DNAJC8: variants seen among roughly 807,000 people sequenced by gnomAD.
DNAJC8 encodes dnaJ homolog subfamily C member 8.
A neutral mutation model predicts 43.2 loss-of-function variants in DNAJC8; 24 were observed. That is an observed-to-expected ratio of 0.56 (90% CI 0.40 to 0.78). DNAJC8 has a LOEUF of 0.78. Ranked by LOEUF, DNAJC8 falls within the 30% of genes least tolerant of loss-of-function variation. DNAJC8 has a pLI of 0.00. For missense variants in DNAJC8, 207 were observed against 299.4 expected (o/e 0.69, Z 2.28); for synonymous variants, 83 against 98.0 (o/e 0.85, Z 0.90).
intron 2 of DNAJC8, among the ~76,000 whole-genome samples, chr1:28,228,389 G>A (rs906717079): frequency 2.0e-5 from 3 of 149,646 alleles, no homozygotes; most frequent in African/African-American, 4.9e-5. Context: ...ACTTATTAGA[G>A]CTAGCCACCC....
chr1:28,230,858 G>A (rs947606635), intron 1 of DNAJC8, among the ~76,000 whole-genome samples: 31 of 152,256 alleles, frequency 2.0e-4, no homozygotes, highest in Non-Finnish European at 4.1e-4. Flanking sequence ...AACAAGTACT[G>A]TTACAATTGC....
chr1:28,227,460 C>T (rs1282373994), intron 2 of DNAJC8, among the ~76,000 whole-genome samples: 1 of 148,908 alleles, frequency 6.7e-6, no homozygotes, highest in Non-Finnish European at 1.5e-5. Flanking sequence ...GACATGGTGG[C>T]GAATGGCTGT....
At position 28,210,112 on chromosome 1, in the gene DNAJC8, A is replaced by G. The variant is rs747245842; in HGVS notation, c.305-46T>C. 14 of 1,555,552 alleles carry G rather than the reference A, an allele frequency of 9.0e-6. No homozygotes were observed. The East Asian group carries it at 2.2e-4, about 25-fold the overall frequency. On this transcript the variant is annotated intron_variant, in intron 4 of 8. Coordinates refer to ENST00000263697, the MANE Select transcript of DNAJC8 (RefSeq NM_014280.3). The stretch of plus-strand genomic sequence containing the variant: ...TAACTGTTTCTGCAAACACCCTCTG[A>G]AAGTCTGAACTATACTCAGGCAGTG...
Position 28,208,281 on chromosome 1 carries a change from A to G in DNAJC8, c.471+61T>C, listed in dbSNP as rs1646784562. The G allele has an allele frequency of 1.1e-5, 14 of 1,320,208 alleles. No individual in the cohort carries two copies. In the South Asian group the frequency reaches 2.0e-4, roughly 19 times the overall value. The allele number at this position is 1,320,208 out of a possible 1,614,324, so 81.8% of individuals were successfully genotyped here. ...CATTCTTTTGGCTTCTGTCTCTGTA[A>G]CCCACCAATTCGTAGACACAATCAC... On this transcript the variant is annotated intron_variant, in intron 6 of 8. Coordinates refer to ENST00000263697, the MANE Select transcript of DNAJC8 (RefSeq NM_014280.3).
rs746894128 is a variant in DNAJC8, at chr1:28,200,675, G to A, written c.*573C>T. On this transcript the variant is annotated 3_prime_UTR_variant, in exon 9 of 9. Coordinates refer to ENST00000263697, the MANE Select transcript of DNAJC8 (RefSeq NM_014280.3). Reference sequence around the variant, plus strand: ...TTGGAAAGTGAAAGGTTTGGGTGGCGTGGGCCTCATGCCACACTGATTGGT... The same window carrying A: ...TTGGAAAGTGAAAGGTTTGGGTGGCATGGGCCTCATGCCACACTGATTGGT... The A allele has an allele frequency of 2.9e-5, 13 of 454,730 alleles. No homozygotes were observed. The highest frequency in any genetic ancestry group is 1.7e-4 in the South Asian group (11 of 64,488). 28.2% of individuals were successfully genotyped at this position (454,730 alleles called of 1,614,324 possible).
chr1:28,219,463 C>A (rs926043725), intron 2 of DNAJC8, among the ~76,000 whole-genome samples: 7 of 152,068 alleles, frequency 4.6e-5, no homozygotes, highest in African/African-American at 1.7e-4. Context: ...GAGCCGAGAT[C>A]GTGCCACTGC....
intron 3 of DNAJC8, among the ~76,000 whole-genome samples, chr1:28,212,402 G>A (rs1646821273): frequency 6.7e-6 from 1 of 148,310 alleles, no homozygotes; most frequent in African/African-American, 2.5e-5. Context: ...AGCCTTCTGA[G>A]TAGCTGGGAC....
intron 2 of DNAJC8, 108 bp from the exon 3 acceptor site, chr1:28,215,104 C>T: frequency 1.2e-6 from 1 of 859,024 alleles, no homozygotes; most frequent in Non-Finnish European, 1.7e-6. Flanking sequence ...AGAATAGTAC[C>T]CCATGTTCTA....
chr1:28,205,021 CA>C (rs967942328), intron 7 of DNAJC8, among the ~76,000 whole-genome samples: 1 of 151,846 alleles, frequency 6.6e-6, no homozygotes, highest in Non-Finnish European at 1.5e-5. Context: ...GACTGTGTCT[CA>C]AAAAAATAAA....
At chr1:28,205,189 A>T (rs1646760371) in intron 7 of DNAJC8, 69 bp downstream of exon 7, 11 of 1,233,046 alleles carry the variant, frequency 8.9e-6, no homozygotes, top group Non-Finnish European at 1.2e-5. Context: ...CATTAGGAAA[A>T]TCACCAAAGA....
At chr1:28,227,555 G>A (rs1374121661) in intron 2 of DNAJC8, among the ~76,000 whole-genome samples, 1 of 151,928 alleles carries the variant, frequency 6.6e-6, no homozygotes, top group Non-Finnish European at 1.5e-5. Flanking sequence ...TTGCACCACT[G>A]CACTCTAGCC....
At chr1:28,221,650 C>T (rs1454932890) in intron 2 of DNAJC8, among the ~76,000 whole-genome samples, 1 of 152,170 alleles carries the variant, frequency 6.6e-6, no homozygotes, top group African/African-American at 2.4e-5. Context: ...CATATGTTCC[C>T]TTTCATGGTA....
Position 28,200,378 on chromosome 1 carries a change from A to G in DNAJC8, c.*870T>C, listed in dbSNP as rs567354173. ...ATACCCAAGGAGCACTATGGTAGTT[A>G]CCTTGTATATGCCATGGCAAATCTG... On this transcript the variant is annotated 3_prime_UTR_variant, in exon 9 of 9. Coordinates refer to ENST00000263697, the MANE Select transcript of DNAJC8 (RefSeq NM_014280.3). The G allele has an allele frequency of 2.4e-5, 10 of 424,990 alleles. No individual in the cohort carries two copies. In the East Asian group the frequency reaches 7.0e-4, roughly 30 times the overall value. The allele number at this position is 424,990 out of a possible 1,614,324, so 26.3% of individuals were successfully genotyped here. A position where few individuals can be genotyped will look rare whatever the true frequency, so the allele number is the denominator to read the frequency against.
In DNAJC8 at chr1:28,200,450, G is replaced by T. The variant is rs1053386753; in HGVS notation, c.*798C>A. 3 of 454,442 alleles carry T rather than the reference G, an allele frequency of 6.6e-6. No homozygotes were observed. The highest frequency in any genetic ancestry group is 2.4e-5 in the Admixed American group (1 of 41,968). The allele number at this position is 454,442 out of a possible 1,614,324, so 28.2% of individuals were successfully genotyped here. On this transcript the variant is annotated 3_prime_UTR_variant, in exon 9 of 9. Transcript: ENST00000263697. ...TTCATATTCCCATTTCATAGATGAA[G>T]AAACTAAGGTTCAGCCAGGTCTGTC...
intron 3 of DNAJC8, among the ~76,000 whole-genome samples, chr1:28,212,199 ATATATATATATATAT>A (rs1646818038): frequency 8.5e-6 from 1 of 118,004 alleles, no homozygotes; most frequent in Admixed American, 8.7e-5. Flanking sequence ...ATATATATAT[ATATATATATATATAT>A]AAATGAAATT....
intron 6 of DNAJC8, among the ~76,000 whole-genome samples, 175 bp downstream of exon 6, chr1:28,208,167 T>C (rs1646783407): frequency 6.6e-6 from 1 of 152,100 alleles, no homozygotes; most frequent in Admixed American, 6.5e-5. Flanking sequence ...GATCGCGCCA[T>C]TGCCCTCCAG....
At chr1:28,205,644 T>C (rs916004309) in intron 6 of DNAJC8, among the ~76,000 whole-genome samples, 1 of 152,202 alleles carries the variant, frequency 6.6e-6, no homozygotes, top group Non-Finnish European at 1.5e-5. Flanking sequence ...TCCCAGCACT[T>C]TGGAAGGCCA....
At chr1:28,202,785 T>C (rs932665970) in intron 8 of DNAJC8, among the ~76,000 whole-genome samples, 2 of 151,078 alleles carry the variant, frequency 1.3e-5, no homozygotes, top group African/African-American at 4.9e-5. Context: ...GGTTTCACCA[T>C]GTTAGCCAGG....
At position 28,208,431 on chromosome 1, in the gene DNAJC8, T is replaced by C; in HGVS notation, c.400-18A>G. The C allele has an allele frequency of 6.3e-7, 1 of 1,585,720 alleles. No homozygotes were observed. The highest frequency in any genetic ancestry group is 8.6e-7 in the Non-Finnish European group (1 of 1,156,882). ...TCTTTCACCTAAAAAGAATTTTTTT[T>C]CATCAAAAGACGAGCATCTGTGCTT... On this transcript the variant is annotated intron_variant, in intron 5 of 8. Transcript: ENST00000263697.
Sources: allele counts gnomAD v4.1 joint callset (sites outside exome capture counted in the v4.1 genomes callset), GRCh38; gene constraint gnomAD v4.1.1; transcripts MANE v1.5; gene names NCBI Gene and HGNC (gene_info 2026-07-23, HGNC 2026-07-21).